Variants in AHNAK observed in about 807,000 individuals in gnomAD.
AHNAK encodes the protein AHNAK nucleoprotein.
A neutral mutation model predicts 37.8 loss-of-function variants in AHNAK; 23 were observed. The observed-to-expected ratio is 0.61, with a 90% CI of 0.44 to 0.86. AHNAK has a LOEUF of 0.86. Ranked by LOEUF, AHNAK falls within the 40% of genes least tolerant of loss-of-function variation. AHNAK has a pLI of 0.00. For missense variants in AHNAK, 7,411 were observed against 7,319.4 expected, an observed-to-expected ratio of 1.01 and a Z score of -0.46; for synonymous variants, 2,481 against 2,636.3, an observed-to-expected ratio of 0.94 and a Z score of 1.80.
chr11:62,531,503 C>G lies in AHNAK; in HGVS notation c.2914G>C (p.Glu972Gln). The change falls in exon 5 of 5, where the codon GAA becomes CAA. Residue 972 changes from glutamate (E) to glutamine (Q), a missense_variant. Glu to Gln is a conservative substitution (Grantham distance 29). Transcript: ENST00000378024. Reference sequence around the variant, plus strand: ...ACTTTTGGGCCTTTCAGGTCCCCTTCCAGCTTTGGCACTGTCATATCATAT... The same window carrying G: ...ACTTTTGGGCCTTTCAGGTCCCCTTGCAGCTTTGGCACTGTCATATCATAT... ...GEYDMTVPKL[E>Q]GDLKGPKVDV... 2 of 1,614,242 alleles carry G rather than the reference C, an allele frequency of 1.2e-6. No homozygotes were observed. The highest frequency in any genetic ancestry group is 8.5e-7 in the Non-Finnish European group (1 of 1,180,040).
At chr11:62,470,759 G>C (rs1939019150) in intron 5 of AHNAK, among the ~76,000 whole-genome samples, 1 of 151,762 alleles carries the variant, frequency 6.6e-6, no homozygotes, top group East Asian at 1.9e-4. Context: ...ACTTCCACCA[G>C]ATCATCATCT....
chr11:62,500,640 G>A (rs568071561), intron 4 of AHNAK, among the ~76,000 whole-genome samples: 29 of 152,316 alleles, frequency 1.9e-4, no homozygotes, highest in Non-Finnish European at 3.8e-4. Flanking sequence ...GATCATACCA[G>A]AAATCGAGCT....
At chr11:62,472,586 A>G (rs1026640041) in intron 5 of AHNAK, among the ~76,000 whole-genome samples, 1 of 151,612 alleles carries the variant, frequency 6.6e-6, no homozygotes, top group Non-Finnish European at 1.5e-5. Flanking sequence ...TATGAAGTCA[A>G]CCCTCAAACC....
chr11:62,495,289 T>C (rs1939586319), intron 4 of AHNAK, among the ~76,000 whole-genome samples: 1 of 151,898 alleles, frequency 6.6e-6, no homozygotes, highest in Admixed American at 6.6e-5. Flanking sequence ...TATTAGGAAA[T>C]ATGAAAGAAG....
In AHNAK at chr11:62,525,847, C is replaced by T. The variant is rs144627463; in HGVS notation, c.8570G>A (p.Gly2857Asp). The T allele has an allele frequency of 6.2e-7, 1 of 1,614,084 alleles. No homozygotes were observed. ...TTTCAGATCTCCCTCTACCTTAGGG[C>T]CTGTAACATCCACATCTCCTTTTAT... ...PKIKGDVDVTGPKVEGDLKGP... is the reference protein window; with the variant it reads ...PKIKGDVDVTDPKVEGDLKGP... The change falls in exon 5 of 5, where the codon GGC (glycine) becomes GAC (aspartate). Residue 2857 changes from glycine to aspartate, a missense_variant. Transcript: ENST00000378024.
intron 5 of AHNAK, chr11:62,491,660 C>A (rs1168067237): frequency 9.1e-6 from 13 of 1,426,834 alleles, no homozygotes; most frequent in South Asian, 2.5e-5. Context: ...GGCAGGCATG[C>A]CCATCTGTGA....
At position 62,516,282 on chromosome 11, in the gene AHNAK, C is replaced by A; in HGVS notation, c.*462G>T. The A allele has an allele frequency of 7.8e-7, 1 of 1,289,324 alleles. No homozygotes were observed. Among genetic ancestry groups the A allele is most frequent in the Non-Finnish European group, 1.0e-6 (1 of 988,786 alleles). 79.9% of individuals were successfully genotyped at this position (1,289,324 alleles called of 1,614,324 possible). A position where few individuals can be genotyped will look rare whatever the true frequency, so the allele number is the denominator to read the frequency against. On this transcript the variant is annotated 3_prime_UTR_variant, in exon 5 of 5. Transcript: ENST00000378024. The stretch of plus-strand genomic sequence containing the variant: ...GTGGGCGTTTGCTGTTTGAACAGAT[C>A]CAGTCTCAGGAAAGAGGAAGACCTG...
chr11:62,524,165 G>A lies in AHNAK; in HGVS notation c.10252C>T (p.Pro3418Ser), dbSNP rs983490725. 3.7e-6 allele frequency: 6 copies of A among 1,613,910 alleles called. No homozygotes were observed. In the African/African-American group the frequency reaches 5.3e-5, roughly 14 times the overall value. The part of the protein sequence containing the change: ...LSISSPKVSM[P>S]DVELNLKSPK... ...CTTTTCAAATTTAGCTCCACGTCAG[G>A]CATAGAAACTTTGGGAGATGAAATA... The change falls in exon 5 of 5, where the codon CCT becomes TCT. Residue 3418 changes from proline to serine, a missense_variant. Transcript: ENST00000378024.
chr11:62,529,719 C>A lies in AHNAK; in HGVS notation c.4698G>T (p.Lys1566Asn), dbSNP rs779729630. The A allele has an allele frequency of 6.2e-6, 10 of 1,613,928 alleles. No individual in the cohort carries two copies. In the Admixed American group the frequency reaches 1.7e-4, roughly 27 times the overall value. The part of the protein sequence containing the change: ...EAPEGKLKGP[K>N]FKMPSMNIQT... Reference sequence around the variant, plus strand: ...GTATATTCATGCTTGGCATCTTGAACTTAGGGCCTTTTAGTTTCCCCTCTG... The same window carrying A: ...GTATATTCATGCTTGGCATCTTGAAATTAGGGCCTTTTAGTTTCCCCTCTG... The change falls in exon 5 of 5, where the codon AAG (lysine) becomes AAT (asparagine). Residue 1566 changes from lysine to asparagine, a missense_variant. Transcript: ENST00000378024.
In AHNAK at chr11:62,524,731, T is replaced by G. The variant is rs1940406859; in HGVS notation, c.9686A>C (p.Lys3229Thr). 6.2e-7 allele frequency: 1 copy of G among 1,614,092 alleles called. No homozygotes were observed. Among genetic ancestry groups the G allele is most frequent in the Non-Finnish European group, 8.5e-7 (1 of 1,180,046 alleles). Residue 3229 changes from lysine to threonine, a missense_variant, in exon 5 of 5, where the codon AAA becomes ACA. By Grantham distance (78) the Lys-to-Thr change is moderately conservative. Coordinates refer to ENST00000378024, the MANE Select transcript of AHNAK (RefSeq NM_001620.3). ...ISMPDLDLNL[K>T]GPKMKGEVDV... ...CACCTCTCCTTTCATTTTAGGGCCT[T>G]TAAGATTGAGGTCCAAATCAGGCAT...
chr11:62,536,313 CAAAGA>C (rs1565249613), intron 2 of AHNAK, 151 bp downstream of exon 2: 5 of 480,888 alleles, frequency 1.0e-5, no homozygotes, highest in Non-Finnish European at 1.4e-5. Flanking sequence ...CAAGGCACAG[CAAAGA>C]AGATGGAAAG....
At position 62,526,346 on chromosome 11, in the gene AHNAK, T is replaced by C. The variant is rs778810510; in HGVS notation, c.8071A>G (p.Lys2691Glu). Residue 2691 changes from lysine (K) to glutamate (E), a missense_variant, in exon 5 of 5, where the codon AAA becomes GAA. Physicochemically the swap from Lys to Glu is moderately conservative, Grantham distance 56. Coordinates refer to ENST00000378024, the MANE Select transcript of AHNAK (RefSeq NM_001620.3). ...TCTGGCATCTTGAACTTAGGCCCTT[T>C]CAACTTTCCCTCTGGTCCTTCAATG... ...VNIEGPEGKL[K>E]GPKFKMPEMN... The C allele has an allele frequency of 1.2e-6, 2 of 1,612,270 alleles. No homozygotes were observed. The highest frequency in any genetic ancestry group is 1.7e-6 in the Non-Finnish European group (2 of 1,179,592).
intron 5 of AHNAK, among the ~76,000 whole-genome samples, chr11:62,439,731 G>A (rs140283024): frequency 0.029 from 4,146 of 142,958 alleles, 68 homozygotes; most frequent in Middle Eastern, 0.12. Flanking sequence ...GTAGTGGCGC[G>A]ATCTCAGCTC....
Position 62,531,849 on chromosome 11 carries a change from A to T in AHNAK, c.2568T>A (p.Ser856Arg). The change falls in exon 5 of 5, where the codon AGT becomes AGA. Residue 856 changes from serine (S) to arginine (R), a missense_variant. Physicochemically the swap from Ser to Arg is moderately radical, Grantham distance 110. Coordinates refer to ENST00000378024, the MANE Select transcript of AHNAK (RefSeq NM_001620.3). ...EIKVPDVELKSAKMDIDVPDV... is the reference protein window; with the variant it reads ...EIKVPDVELKRAKMDIDVPDV... ...CTGGGACATCAATGTCCATTTTGGC[A>T]CTTTTAAGTTCAACATCAGGAACTT... is the stretch of plus-strand genomic sequence containing the variant. 6.2e-7 allele frequency: 1 copy of T among 1,612,166 alleles called. No individual in the cohort carries two copies. The highest frequency in any genetic ancestry group is 8.5e-7 in the Non-Finnish European group (1 of 1,179,552).
rs1279690039 is a variant in AHNAK at position 62,517,508 on chromosome 11, C to G, written c.16909G>C (p.Ala5637Pro). 1.1e-5 allele frequency: 17 copies of G among 1,614,032 alleles called. No individual in the cohort carries two copies. Among genetic ancestry groups the G allele is most frequent in the Middle Eastern group, 3.3e-4 (2 of 6,084 alleles). The change falls in exon 5 of 5, where the codon GCT (alanine) becomes CCT (proline). Residue 5637 changes from alanine (A) to proline (P), a missense_variant. Coordinates refer to ENST00000378024, the MANE Select transcript of AHNAK (RefSeq NM_001620.3). ...GGCCCAGACACACTCAGCCCAGGAGCCTGGAGTCCAATCTGACCTCCTTTC... is the reference window on the plus strand; with the variant it reads ...GGCCCAGACACACTCAGCCCAGGAGGCTGGAGTCCAATCTGACCTCCTTTC... The part of the protein sequence containing the change: ...GVKGGQIGLQ[A>P]PGLSVSGPQG...
In AHNAK at chr11:62,530,084, T is replaced by A. The variant is rs549159290; in HGVS notation, c.4333A>T (p.Ser1445Cys). 6 of 1,614,032 alleles carry A rather than the reference T, an allele frequency of 3.7e-6. No individual in the cohort carries two copies. In the Admixed American group the frequency reaches 1.0e-4, roughly 27 times the overall value. ...KGPKFKMPEM[S>C]IKPQKISIPD... ...ATGGATATCTTCTGAGGCTTTATACTCATTTCTGGCATCTTGAATTTGGGA... is the reference window on the plus strand; with the variant it reads ...ATGGATATCTTCTGAGGCTTTATACACATTTCTGGCATCTTGAATTTGGGA... Residue 1445 changes from serine (S) to cysteine (C), a missense_variant, in exon 5 of 5, where the codon AGT becomes TGT. Ser to Cys is a moderately radical substitution (Grantham distance 112). Coordinates refer to ENST00000378024, the MANE Select transcript of AHNAK (RefSeq NM_001620.3).
intron 5 of AHNAK, among the ~76,000 whole-genome samples, chr11:62,479,881 T>C (rs1939230712): frequency 6.6e-6 from 1 of 152,224 alleles, no homozygotes; most frequent in African/African-American, 2.4e-5. Flanking sequence ...TTAGGGAATA[T>C]TCATATCTTG....
In AHNAK at chr11:62,522,249, C is replaced by A. The variant is rs747005304; in HGVS notation, c.12168G>T (p.Trp4056Cys). The change falls in exon 5 of 5, where the codon TGG (tryptophan) becomes TGT (cysteine). Residue 4056 changes from tryptophan (W) to cysteine (C), a missense_variant. Coordinates refer to ENST00000378024, the MANE Select transcript of AHNAK (RefSeq NM_001620.3). ...APDVDVHGPD[W>C]HLKMPKVKMP... ...TTTTCACCTTGGGCATCTTCAGGTG[C>A]CAGTCTGGGCCATGAACATCCACAT... 1.2e-6 allele frequency: 2 copies of A among 1,613,578 alleles called. No homozygotes were observed. Among genetic ancestry groups the A allele is most frequent in the Non-Finnish European group, 1.7e-6 (2 of 1,179,920 alleles).
At chr11:62,498,186 G>A (rs1048121186) in intron 4 of AHNAK, among the ~76,000 whole-genome samples, 1 of 152,098 alleles carries the variant, frequency 6.6e-6, no homozygotes, top group Non-Finnish European at 1.5e-5. Context: ...TTTTGTTGTT[G>A]TGGTTGTTGT....
Sources: allele counts gnomAD v4.1 joint callset (sites outside exome capture counted in the v4.1 genomes callset), GRCh38; gene constraint gnomAD v4.1.1; transcripts MANE v1.5; gene names NCBI Gene and HGNC (gene_info 2026-07-23, HGNC 2026-07-21).